The following KCNN1 variants were observed in gnomAD, a reference collection of about 807,000 sequenced individuals.
KCNN1 encodes potassium calcium-activated channel subfamily N member 1.
KCNN1 carries 20 observed loss-of-function variants against 44.7 expected under a neutral mutation model. That is an observed-to-expected ratio of 0.45 (90% CI 0.32 to 0.65). The LOEUF (loss-of-function observed/expected upper bound fraction) is 0.65. Ranked by LOEUF, KCNN1 falls within the 30% of genes least tolerant of loss-of-function variation. The pLI, the probability that KCNN1 is intolerant of heterozygous loss-of-function variation, is 0.05. For synonymous variants in KCNN1, 324 were observed against 341.7 expected (o/e 0.95, Z 0.57); for missense variants, 632 against 785.3 (o/e 0.80, Z 2.33).
chr19:17,976,677 CA>C, intron 3 of KCNN1, among the ~76,000 whole-genome samples: 1 of 151,688 alleles, frequency 6.6e-6, no homozygotes, highest in Admixed American at 6.6e-5. Context: ...CTCGGCCTCC[CA>C]AGGTGCTGGG....
Position 17,998,544 on chromosome 19 carries a change from C to T in KCNN1, c.*138C>T, listed in dbSNP as rs1351659401. ...CTGAGTGGACTGAGGCCTGCCCCGC[C>T]CAGACTGCCCAGGCAGAGGGCAGGG... On this transcript the variant is annotated 3_prime_UTR_variant, in exon 10 of 10. Transcript: ENST00000684775. This position sits in a 1 kb window ranked among gnomAD's most constrained non-coding sequence, Gnocchi z 5.4. The T allele has an allele frequency of 2.2e-6, 2 of 901,790 alleles. No homozygotes were observed. Among genetic ancestry groups the T allele is most frequent in the Middle Eastern group, 3.5e-4 (1 of 2,820 alleles). The allele number at this position is 901,790 out of a possible 1,614,324, so 55.9% of individuals were successfully genotyped here. A position where few individuals can be genotyped will look rare whatever the true frequency, so the allele number is the denominator to read the frequency against.
At chr19:17,957,991 A>C (rs1016515097) in intron 2 of KCNN1, among the ~76,000 whole-genome samples, 2 of 152,060 alleles carry the variant, frequency 1.3e-5, no homozygotes, top group East Asian at 3.9e-4. Flanking sequence ...CCAGGTTTCC[A>C]TCTCATGCCA....
intron 2 of KCNN1, among the ~76,000 whole-genome samples, chr19:17,956,011 C>A (rs1231331964): frequency 1.3e-5 from 2 of 152,038 alleles, no homozygotes; most frequent in Non-Finnish European, 2.9e-5. Flanking sequence ...CTCACTGCAA[C>A]CTCCACCCTC....
intron 6 of KCNN1, among the ~76,000 whole-genome samples, chr19:17,988,951 G>C (rs544745309): frequency 3.6e-4 from 54 of 150,712 alleles, no homozygotes; most frequent in African/African-American, 1.3e-3. Flanking sequence ...CTGCCACCAC[G>C]CACCCATCTG....
chr19:17,984,144 CAG>C (rs1001986029), intron 4 of KCNN1, among the ~76,000 whole-genome samples: 55 of 149,936 alleles, frequency 3.7e-4, no homozygotes, highest in African/African-American at 1.3e-3. Context: ...GCCTGGGCAA[CAG>C]AGAGAGATAT....
intron 5 of KCNN1, among the ~76,000 whole-genome samples, chr19:17,987,349 A>T (rs2032635679): frequency 6.6e-6 from 1 of 152,040 alleles, no homozygotes; most frequent in Non-Finnish European, 1.5e-5. Context: ...ACCTCAGGTG[A>T]TCCACCCACC....
chr19:17,987,836 C>CAAAA (rs973068020), intron 5 of KCNN1, among the ~76,000 whole-genome samples: 1 of 54,566 alleles, frequency 1.8e-5, no homozygotes, highest in Admixed American at 2.2e-4. Context: ...ATATCGCTAC[C>CAAAA]AAAAAAAAAA....
chr19:17,962,012 C>T (rs1256478063), intron 2 of KCNN1, among the ~76,000 whole-genome samples: 1 of 152,190 alleles, frequency 6.6e-6, no homozygotes, highest in Non-Finnish European at 1.5e-5. Flanking sequence ...AACCTTTGCT[C>T]CTCTATGGAG....
intron 2 of KCNN1, among the ~76,000 whole-genome samples, chr19:17,961,058 C>T (rs1027743044): frequency 1.3e-5 from 2 of 151,364 alleles, no homozygotes; most frequent in African/African-American, 4.9e-5. Context: ...TGGTGGTGCG[C>T]GTCTGTAATC....
At position 17,955,782 on chromosome 19, in the gene KCNN1, T is replaced by C. The variant is rs1447190297; in HGVS notation, c.-82+1101T>C. Among the ~76,000 whole-genome samples the C allele has an allele frequency of 5.5e-4, 75 of 137,032 alleles. 1 individual carries two copies. In the East Asian group the frequency reaches 0.015, roughly 28 times the overall value. 89.9% of individuals were successfully genotyped at this position (137,032 alleles called of 152,430 possible). ...GGTTGGAAGAGCTCTGTCCCACCAC[T>C]CCCGCCCCCGCCCCCCACACACAGC... On this transcript the variant is annotated intron_variant, in intron 2 of 10. Transcript: ENST00000222249.
Position 17,993,366 on chromosome 19 carries a change from C to G in KCNN1, c.1308-124C>G. 8.0e-6 allele frequency: 6 copies of G among 751,442 alleles called. No individual in the cohort carries two copies. Among genetic ancestry groups the G allele is most frequent in the Non-Finnish European group, 1.2e-5 (5 of 431,224 alleles). The allele number at this position is 751,442 out of a possible 1,614,324, so 46.5% of individuals were successfully genotyped here. A position where few individuals can be genotyped will look rare whatever the true frequency, so the allele number is the denominator to read the frequency against. ...ACTACAGGGAATCGGCCTCCCAACT[C>G]CCACCTCATCCTCTGATGCATGTCC... On this transcript the variant is annotated intron_variant, in intron 8 of 9. Coordinates refer to ENST00000684775, the MANE Select transcript of KCNN1 (RefSeq NM_001386974.1). The surrounding 1 kb of genome is among the most constrained non-coding windows in gnomAD (Gnocchi z 4.5).
chr19:17,975,250 C>A, intron 3 of KCNN1, 63 bp downstream of exon 3: 1 of 1,211,340 alleles, frequency 8.3e-7, no homozygotes, highest in Non-Finnish European at 1.2e-6. Context: ...CCCACACCAG[C>A]CCACCTTAGA....
intron 6 of KCNN1, among the ~76,000 whole-genome samples, chr19:17,989,081 C>T (rs1438168065): frequency 6.6e-6 from 1 of 152,170 alleles, no homozygotes; most frequent in African/African-American, 2.4e-5. Context: ...CTGCCTGACC[C>T]TAGCGGGTTG....
intron 4 of KCNN1, chr19:17,982,419 C>T (rs1568455574): frequency 2.5e-6 from 1 of 395,850 alleles, no homozygotes; most frequent in Non-Finnish European, 3.4e-6. Flanking sequence ...TCTCCCAGCC[C>T]CTCGGCTCCC....
In KCNN1 at chr19:17,998,394, G is replaced by A. The variant is rs749670129; in HGVS notation, c.1620G>A (p.Ser540=). 21 of 1,477,382 alleles carry A rather than the reference G, an allele frequency of 1.4e-5. No individual in the cohort carries two copies. The highest frequency in any genetic ancestry group is 7.3e-5 in the East Asian group (3 of 41,318). The allele number at this position is 1,477,382 out of a possible 1,614,324, so 91.5% of individuals were successfully genotyped here. A position where few individuals can be genotyped will look rare whatever the true frequency, so the allele number is the denominator to read the frequency against. ...SPCRWTPVAP[S]DCG ...GCCGGTGGACGCCCGTGGCCCCCTC[G>A]GACTGCGGGTGACGGCCCTGCCCGC... The change falls in exon 10 of 10, where the codon TCG becomes TCA. Residue 540 remains serine, a synonymous_variant. Transcript: ENST00000684775. The surrounding 1 kb of genome is among the most constrained non-coding windows in gnomAD (Gnocchi z 5.4).
At chr19:17,957,161 AAGG>A (rs922545362) in intron 2 of KCNN1, among the ~76,000 whole-genome samples, 7 of 105,304 alleles carry the variant, frequency 6.6e-5, no homozygotes, top group East Asian at 3.4e-4. Flanking sequence ...GAGAGAAAAA[AAGG>A]AGAGGAGAGG....
At chr19:17,968,235 C>T (rs1210992722) in intron 1 of KCNN1, among the ~76,000 whole-genome samples, 3 of 152,060 alleles carry the variant, frequency 2.0e-5, no homozygotes, top group African/African-American at 7.2e-5. Context: ...GGTTGTGGTA[C>T]CCGGAAGCCC....
At chr19:17,985,490 T>A (rs780469170) in intron 5 of KCNN1, 37 bp downstream of exon 5, 2 of 1,503,760 alleles carry the variant, frequency 1.3e-6, no homozygotes, top group South Asian at 2.6e-5. Context: ...TCCTGGGAGG[T>A]CCAGCCAGCT....
In KCNN1 at chr19:17,974,438, T is replaced by C; in HGVS notation, c.402+148T>C. 1 of 836,850 alleles carries C rather than the reference T, an allele frequency of 1.2e-6. No homozygotes were observed. Among genetic ancestry groups the C allele is most frequent in the Non-Finnish European group, 1.8e-6 (1 of 565,268 alleles). The allele number at this position is 836,850 out of a possible 1,614,324, so 51.8% of individuals were successfully genotyped here. ...GGTGAGGGCTCCCTGGCCTTCTGCATACCCACCTCCAGGAAGGTAGCAGGG... is the reference window on the plus strand; with the variant it reads ...GGTGAGGGCTCCCTGGCCTTCTGCACACCCACCTCCAGGAAGGTAGCAGGG... On this transcript the variant is annotated intron_variant, in intron 2 of 9. Transcript: ENST00000684775. This position sits in a 1 kb window ranked among gnomAD's most constrained non-coding sequence, Gnocchi z 7.3.
Sources: gnomAD v4.1 joint callset for allele counts (sites outside exome capture counted in the v4.1 genomes callset) on GRCh38, gnomAD v4.1.1 for gene constraint, Gnocchi (gnomAD v3.1) non-coding constraint, MANE v1.5 for transcripts, NCBI Gene and HGNC (gene_info 2026-07-23, HGNC 2026-07-21) for gene names.